The following GNAS variants were observed in gnomAD, a reference collection of about 807,000 sequenced individuals.
GNAS encodes the protein GNAS complex locus.
In GNAS, 8 loss-of-function variants were observed where a neutral mutation model predicts 54.5. That is an observed-to-expected ratio of 0.15 (90% CI 0.09 to 0.26). The LOEUF (loss-of-function observed/expected upper bound fraction) is 0.26. Ranked by LOEUF, GNAS falls within the 10% of genes least tolerant of loss-of-function variation. The pLI, the probability that GNAS is intolerant of heterozygous loss-of-function variation, is 1.00. For missense variants in GNAS, 170 were observed against 529.8 expected, an observed-to-expected ratio of 0.32 and a Z score of 6.67; for synonymous variants, 204 against 191.4, an observed-to-expected ratio of 1.07 and a Z score of -0.54.
chr20:58,881,439 C>T (rs555246145), intron 1 of GNAS, among the ~76,000 whole-genome samples: 40 of 152,330 alleles, frequency 2.6e-4, no homozygotes, highest in African/African-American at 8.9e-4. Flanking sequence ...AAAGCTTCCT[C>T]TGTGATAAGT....
At position 58,853,217 on chromosome 20, in the gene GNAS, C is replaced by A; in HGVS notation, c.43+12331C>A. On this transcript the variant is annotated intron_variant, in intron 1 of 12. Coordinates refer to the GNAS transcript ENST00000306090. The surrounding 1 kb of genome is among the most constrained non-coding windows in gnomAD (Gnocchi z 4.4). Reference sequence around the variant, plus strand: ...TTTTTCACCCTAGTTCGGTTGGGTGCTCCATCTTACGGAGCCCCAAACTTA... The same window carrying A: ...TTTTTCACCCTAGTTCGGTTGGGTGATCCATCTTACGGAGCCCCAAACTTA... 1 of 1,489,270 alleles carries A rather than the reference C, an allele frequency of 6.7e-7. No individual in the cohort carries two copies. 92.3% of individuals were successfully genotyped at this position (1,489,270 alleles called of 1,614,324 possible).
At chr20:58,887,711 A>G (rs2088689590), upstream of GNAS, among the ~76,000 whole-genome samples, 1 of 152,172 alleles carries the variant, frequency 6.6e-6, no homozygotes, top group South Asian at 2.1e-4. Context: ...AAGTTCAAGA[A>G]AGTCAGGGGT....
At chr20:58,889,084 T>G (rs772249940), upstream of GNAS, 127 of 1,034,378 alleles carry the variant, frequency 1.2e-4, 1 homozygote, top group Non-Finnish European at 3.3e-5. Context: ...CGCTTCCCCT[T>G]CGGTTTATAG....
At chr20:58,852,088 G>A (rs1187355203) in intron 1 of GNAS, among the ~76,000 whole-genome samples, 1 of 151,770 alleles carries the variant, frequency 6.6e-6, no homozygotes, top group East Asian at 1.9e-4. Flanking sequence ...CCTCTGCGCA[G>A]CACGCCCCCC....
intron 1 of GNAS, chr20:58,895,064 A>C (rs2089915032): frequency 1.1e-5 from 2 of 176,798 alleles, no homozygotes. Context: ...GGAAACCTGC[A>C]CAGAAAGAAG....
chr20:58,842,275 T>A (rs1167195017), intron 1 of GNAS: 1 of 397,948 alleles, frequency 2.5e-6, no homozygotes, highest in Non-Finnish European at 4.4e-6. Flanking sequence ...ACTTGGAAAT[T>A]GATTTTTTTT....
intron 1 of GNAS, chr20:58,854,274 A>G (rs1288985637): frequency 1.9e-6 from 3 of 1,611,864 alleles, no homozygotes; most frequent in Middle Eastern, 1.6e-4. Context: ...CGGCCCGCCC[A>G]TCAAGGTCTC....
At chr20:58,885,100 T>TC (rs2088499580) in intron 1 of GNAS, 1 of 152,248 alleles carries the variant, frequency 6.6e-6, no homozygotes, top group South Asian at 2.1e-4. Context: ...TTTGTTAGCT[T>TC]CCCCCTTCTT....
At chr20:58,888,962 C>T, upstream of GNAS, 1 of 526,108 alleles carries the variant, frequency 1.9e-6, no homozygotes, top group Non-Finnish European at 2.4e-6. Flanking sequence ...GCGCCCCCCG[C>T]CATCGCGGCC....
chr20:58,896,423 G>T (rs976612548), intron 2 of GNAS, among the ~76,000 whole-genome samples: 1 of 152,090 alleles, frequency 6.6e-6, no homozygotes, highest in African/African-American at 2.4e-5. Context: ...AGGTATCCTG[G>T]TATAGCACAA....
chr20:58,881,334 T>G (rs2088207054), intron 1 of GNAS, among the ~76,000 whole-genome samples: 1 of 152,172 alleles, frequency 6.6e-6, no homozygotes, highest in Admixed American at 6.5e-5. Context: ...CAATTAAGTT[T>G]TATATCCATT....
At chr20:58,846,774 G>A (rs1284517661) in intron 1 of GNAS, among the ~76,000 whole-genome samples, 1 of 152,214 alleles carries the variant, frequency 6.6e-6, no homozygotes, top group African/African-American at 2.4e-5. Flanking sequence ...CTGGGTAATT[G>A]AGGTTGTTCT....
intron 1 of GNAS, among the ~76,000 whole-genome samples, chr20:58,892,665 T>G: frequency 6.6e-6 from 1 of 151,884 alleles, no homozygotes; most frequent in African/African-American, 2.4e-5. Context: ...AGCAGACGTG[T>G]CCCGGGCCAG....
rs1330147490 is a variant in GNAS, at chr20:58,891,672, G to A, written c.-55G>A. 1 of 964,734 alleles carries A rather than the reference G, an allele frequency of 1.0e-6. No individual in the cohort carries two copies. The highest frequency in any genetic ancestry group is 1.2e-6 in the Non-Finnish European group (1 of 821,210). The allele number at this position is 964,734 out of a possible 1,614,324, so 59.8% of individuals were successfully genotyped here. On this transcript the variant is annotated 5_prime_UTR_variant, in exon 1 of 13. Transcript: ENST00000371085. The stretch of plus-strand genomic sequence containing the variant: ...CGGCCCTCCCGGCCCGCGTGAGGCC[G>A]CCCGCGCCCGCCGCCGCCGCAGCCC...
At chr20:58,898,487 C>G (rs946217594) in intron 2 of GNAS, 1 of 172,794 alleles carries the variant, frequency 5.8e-6, no homozygotes, top group African/African-American at 2.4e-5. Flanking sequence ...TGCAGGAAAT[C>G]CTGGGCAGAA....
chr20:58,851,803 C>T (rs188340551), intron 1 of GNAS, among the ~76,000 whole-genome samples: 1 of 152,298 alleles, frequency 6.6e-6, no homozygotes. Context: ...ATACCCAGAG[C>T]GAGAGGAGAG....
chr20:58,842,590 C>G (rs2085780529), intron 1 of GNAS: 1 of 398,216 alleles, frequency 2.5e-6, no homozygotes, highest in Non-Finnish European at 4.4e-6. Context: ...TGGTTTTCTG[C>G]GACAGCAATG....
chr20:58,891,605 A>G lies in GNAS; in HGVS notation c.-122A>G, dbSNP rs1163258112. ...AGTCCGCCCCGCGCGCTCCTTGCCG[A>G]GGAGCCGAGCCCGCGCCCGGCCCGC... is the stretch of plus-strand genomic sequence containing the variant. On this transcript the variant is annotated 5_prime_UTR_variant, in exon 1 of 13. Transcript: ENST00000371085. The G allele has an allele frequency of 8.3e-6, 8 of 963,420 alleles. No individual in the cohort carries two copies. The highest frequency in any genetic ancestry group is 1.9e-5 in the African/African-American group (1 of 52,156). 59.7% of individuals were successfully genotyped at this position (963,420 alleles called of 1,614,324 possible). A position where few individuals can be genotyped will look rare whatever the true frequency, so the allele number is the denominator to read the frequency against.
Position 58,909,141 on chromosome 20 carries a change from G to A in GNAS, c.531-21G>A, listed in dbSNP as rs376110339. The A allele has an allele frequency of 8.0e-5, 129 of 1,610,326 alleles. 1 individual carries two copies. In the South Asian group the frequency reaches 8.7e-4, roughly 11 times the overall value. The stretch of plus-strand genomic sequence containing the variant: ...GATGTGAGCGCTGTGAACACCCCAC[G>A]TGTCTTTCTTTTTCTCCCAGCTTCC... On this transcript the variant is annotated intron_variant, in intron 6 of 12. Transcript: ENST00000371085. This position sits in a 1 kb window ranked among gnomAD's most constrained non-coding sequence, Gnocchi z 7.3.
Sources: gnomAD v4.1 joint callset for allele counts (sites outside exome capture counted in the v4.1 genomes callset) on GRCh38, gnomAD v4.1.1 for gene constraint, Gnocchi (gnomAD v3.1) non-coding constraint, MANE v1.5 for transcripts, NCBI Gene and HGNC (gene_info 2026-07-23, HGNC 2026-07-21) for gene names.